SLC5A11: variants seen among roughly 807,000 people sequenced by gnomAD.
SLC5A11 encodes the protein sodium/myo-inositol cotransporter 2.
Under a neutral mutation model 69.8 loss-of-function variants are expected in SLC5A11, and 48 were observed. The ratio of observed to expected loss-of-function variants is 0.69; its 90% confidence interval spans 0.55 to 0.87. The LOEUF is 0.87. Among genes scored for constraint, SLC5A11 ranks in the 40% least tolerant of loss-of-function variants. The pLI is 0.00. For synonymous variants in SLC5A11, 319 were observed against 342.4 expected (o/e 0.93, Z 0.75); for missense variants, 784 against 866.1 (o/e 0.91, Z 1.19).
intron 3 of SLC5A11, among the ~76,000 whole-genome samples, chr16:24,863,200 T>A (rs2046712834): frequency 6.6e-6 from 1 of 150,890 alleles, no homozygotes; most frequent in Admixed American, 6.7e-5. Context: ...ATCATAAAAA[T>A]AAAATTTAAA....
At chr16:24,859,571 A>C (rs1288830182) in intron 2 of SLC5A11, among the ~76,000 whole-genome samples, 1 of 152,200 alleles carries the variant, frequency 6.6e-6, no homozygotes, top group Non-Finnish European at 1.5e-5. Flanking sequence ...TTGTTAGTAC[A>C]TAAGCGTGTG....
At chr16:24,905,285 A>AC (rs1388218387) in intron 10 of SLC5A11, among the ~76,000 whole-genome samples, 2 of 136,704 alleles carry the variant, frequency 1.5e-5, no homozygotes, top group African/African-American at 5.5e-5. Context: ...AAAAAAAAAA[A>AC]AAAAAAAAAA....
At chr16:24,872,113 C>A (rs1216000600) in intron 4 of SLC5A11, 47 bp from the exon 6 acceptor site, 4 of 1,613,034 alleles carry the variant, frequency 2.5e-6, no homozygotes, top group Non-Finnish European at 3.4e-6. Context: ...AAATGGGTAC[C>A]TTGTTGTGAG....
chr16:24,870,442 A>ACACACAC (rs71156449), intron 4 of SLC5A11, among the ~76,000 whole-genome samples: 2 of 140,556 alleles, frequency 1.4e-5, no homozygotes, highest in African/African-American at 2.6e-5. Flanking sequence ...AACAAAAAAA[A>ACACACAC]ACACACACAC....
intron 7 of SLC5A11, among the ~76,000 whole-genome samples, chr16:24,879,983 T>G (rs1396058057): frequency 6.6e-6 from 1 of 152,184 alleles, no homozygotes; most frequent in African/African-American, 2.4e-5. Flanking sequence ...GATGAACATA[T>G]GAGGGCATGT....
chr16:24,861,811 AAAG>A (rs1172998952), intron 2 of SLC5A11, among the ~76,000 whole-genome samples: 2 of 65,558 alleles, frequency 3.1e-5, no homozygotes, highest in South Asian at 3.6e-4. Context: ...AGAAAAGAAA[AAAG>A]AAAGAAAAAA....
chr16:24,880,389 C>T (rs1170382684), intron 7 of SLC5A11, among the ~76,000 whole-genome samples: 1 of 152,052 alleles, frequency 6.6e-6, no homozygotes, highest in Non-Finnish European at 1.5e-5. Context: ...GGCTGGAGTG[C>T]AATGGTGCAA....
chr16:24,877,595 A>T (rs563819638), intron 7 of SLC5A11, among the ~76,000 whole-genome samples: 9 of 152,320 alleles, frequency 5.9e-5, no homozygotes, highest in Admixed American at 2.6e-4. Context: ...CATGCCCGTA[A>T]TCCCAGCACT....
chr16:24,874,403 A>G (rs755450602), intron 5 of SLC5A11, among the ~76,000 whole-genome samples: 5 of 152,182 alleles, frequency 3.3e-5, no homozygotes, highest in Non-Finnish European at 7.3e-5. Context: ...CAAGATATTG[A>G]CAAACATTTT....
rs373131013 is a variant in SLC5A11 at position 24,874,254 on chromosome 16, C to T, written c.373-1373C>T. On this transcript the variant is annotated intron_variant, in intron 5 of 15. Transcript: ENST00000347898. ...TTGTGCATGGGCGTTTAAGTTGCTC[C>T]CAGTATTGGTCTATGATAGACAGCA... Among the ~76,000 whole-genome samples, 7 of 152,208 alleles carry T rather than the reference C, an allele frequency of 4.6e-5. No homozygotes were observed. In the East Asian group the frequency reaches 7.7e-4, roughly 17 times the overall value.
intron 9 of SLC5A11, among the ~76,000 whole-genome samples, chr16:24,894,203 G>A (rs927753045): frequency 6.6e-6 from 1 of 152,140 alleles, no homozygotes; most frequent in Non-Finnish European, 1.5e-5. Context: ...TTGACTCATT[G>A]CACCACACCT....
At position 24,895,492 on chromosome 16, in the gene SLC5A11, A is replaced by C. The variant is rs1365329257; in HGVS notation, c.871-2482A>C. ...TGACAAAGCAAGACTCCATCTCAAA[A>C]AAGAAAGGAAAAGAAAAGAAAAAAA... On this transcript the variant is annotated intron_variant, in intron 9 of 15. Coordinates refer to ENST00000347898, the Ensembl canonical transcript of SLC5A11. Among the ~76,000 whole-genome samples, 8 of 151,570 alleles carry C rather than the reference A, an allele frequency of 5.3e-5. No individual in the cohort carries two copies. In the Admixed American group the frequency reaches 5.3e-4, roughly 10 times the overall value.
chr16:24,887,222 GTACAA>G (rs1429701656), intron 8 of SLC5A11, among the ~76,000 whole-genome samples: 3 of 152,202 alleles, frequency 2.0e-5, no homozygotes, highest in African/African-American at 7.2e-5. Context: ...TGTCTTGAAG[GTACAA>G]GACAGAAACA....
chr16:24,859,507 C>T (rs1054476606), intron 2 of SLC5A11, among the ~76,000 whole-genome samples: 3 of 152,042 alleles, frequency 2.0e-5, no homozygotes, highest in Admixed American at 6.6e-5. Flanking sequence ...TTATGACAAG[C>T]GATGAAAAAT....
exon 2 of SLC5A11, chr16:24,858,682 A>C: frequency 6.2e-7 from 1 of 1,611,492 alleles, no homozygotes; most frequent in Non-Finnish European, 8.5e-7. Flanking sequence ...CTCCACAGTT[A>C]GATCCCCTGG....
intron 10 of SLC5A11, among the ~76,000 whole-genome samples, chr16:24,899,949 C>A (rs117292394): frequency 0.012 from 1,753 of 152,222 alleles, 69 homozygotes; most frequent in East Asian, 0.099. Flanking sequence ...AGCAGTCCAC[C>A]CACTTCAGCC....
intron 8 of SLC5A11, among the ~76,000 whole-genome samples, chr16:24,884,705 A>T (rs974673839): frequency 6.6e-6 from 1 of 151,264 alleles, no homozygotes; most frequent in Non-Finnish European, 1.5e-5. Context: ...AAATAAAAGA[A>T]TGTGAAGAGA....
At chr16:24,905,290 A>G (rs899503421) in intron 10 of SLC5A11, among the ~76,000 whole-genome samples, 1 of 148,576 alleles carries the variant, frequency 6.7e-6, no homozygotes, top group Admixed American at 6.7e-5. Context: ...AAAAAAAAAA[A>G]AAAAAACCTG....
chr16:24,909,207 T>C (rs918587147), intron 14 of SLC5A11, 111 bp downstream of exon 15: 10 of 1,172,040 alleles, frequency 8.5e-6, no homozygotes, highest in Middle Eastern at 2.0e-4. Context: ...AGCTGAAAAG[T>C]CCAGGGTTGA....
Sources: allele counts gnomAD v4.1 joint callset (sites outside exome capture counted in the v4.1 genomes callset), GRCh38; gene constraint gnomAD v4.1.1; transcripts MANE v1.5; gene names NCBI Gene and HGNC (gene_info 2026-07-23, HGNC 2026-07-21).